The following JMY variants were observed in gnomAD, a reference collection of about 807,000 sequenced individuals.
JMY encodes junction mediating and regulatory protein, p53 cofactor.
A neutral mutation model predicts 103.3 loss-of-function variants in JMY; 46 were observed. That is an observed-to-expected ratio of 0.45 (90% CI 0.35 to 0.57). The LOEUF (loss-of-function observed/expected upper bound fraction) is 0.57. Among genes scored for constraint, JMY ranks in the 20% least tolerant of loss-of-function variants. JMY has a pLI of 0.00. For missense variants in JMY, 1,238 were observed against 1,255.2 expected, an observed-to-expected ratio of 0.99 and a Z score of 0.21; for synonymous variants, 526 against 489.3, an observed-to-expected ratio of 1.07 and a Z score of -0.99.
At chr5:79,263,366 T>C (rs1041607163) in intron 1 of JMY, among the ~76,000 whole-genome samples, 3 of 152,160 alleles carry the variant, frequency 2.0e-5, no homozygotes, top group Non-Finnish European at 4.4e-5. Flanking sequence ...TCCTTGAATA[T>C]GCACGGTCTT....
At chr5:79,295,234 T>C (rs1196351984) in intron 4 of JMY, among the ~76,000 whole-genome samples, 1 of 152,194 alleles carries the variant, frequency 6.6e-6, no homozygotes, top group African/African-American at 2.4e-5. Context: ...CATATGTGGC[T>C]AATGAGCTTT....
chr5:79,271,807 G>A (rs955207554), intron 1 of JMY, among the ~76,000 whole-genome samples: 5 of 152,036 alleles, frequency 3.3e-5, no homozygotes, highest in South Asian at 2.1e-4. Flanking sequence ...TGACTCTTTC[G>A]TGTTTATAAA....
At chr5:79,238,837 G>T (rs1744645292) in intron 1 of JMY, among the ~76,000 whole-genome samples, 1 of 151,892 alleles carries the variant, frequency 6.6e-6, no homozygotes, top group Non-Finnish European at 1.5e-5. Flanking sequence ...GCTACTTTTT[G>T]TGTTTTTAGT....
intron 1 of JMY, among the ~76,000 whole-genome samples, chr5:79,270,056 C>T (rs150898208): frequency 1.4e-3 from 206 of 151,930 alleles, no homozygotes; most frequent in African/African-American, 4.2e-3. Flanking sequence ...GGTGTGTGTA[C>T]GTGAGTTCAT....
intron 3 of JMY, 134 bp downstream of exon 3, chr5:79,290,405 A>C (rs1746385051): frequency 2.3e-6 from 1 of 442,990 alleles, no homozygotes; most frequent in Non-Finnish European, 3.7e-6. Context: ...AACCACTATT[A>C]GCAAATTAAG....
chr5:79,241,504 A>G (rs1441311684), intron 1 of JMY, among the ~76,000 whole-genome samples: 7 of 152,210 alleles, frequency 4.6e-5, no homozygotes, highest in African/African-American at 1.7e-4. Flanking sequence ...AAAATTTCTT[A>G]AAACATAAAT....
At chr5:79,282,290 TGGCTTAGG>T (rs2112089832) in intron 2 of JMY, among the ~76,000 whole-genome samples, 1 of 152,236 alleles carries the variant, frequency 6.6e-6, no homozygotes, top group South Asian at 2.1e-4. Flanking sequence ...TTGCCTTGGG[TGGCTTAGG>T]GGAAATTGAC....
intron 7 of JMY, among the ~76,000 whole-genome samples, chr5:79,309,605 G>A (rs1746985657): frequency 6.6e-6 from 1 of 152,068 alleles, no homozygotes; most frequent in Non-Finnish European, 1.5e-5. Context: ...CATACTAAAG[G>A]CCAAAGGGCT....
At chr5:79,258,018 C>T (rs1745299412) in intron 1 of JMY, among the ~76,000 whole-genome samples, 1 of 152,136 alleles carries the variant, frequency 6.6e-6, no homozygotes, top group East Asian at 1.9e-4. Context: ...CTGCCTCAGA[C>T]TCCCAAAGTG....
rs878948119 is a variant in JMY, at chr5:79,237,466, G to A, written c.816G>A (p.Gly272=). The A allele has an allele frequency of 1.2e-6, 2 of 1,613,456 alleles. No individual in the cohort carries two copies. The highest frequency in any genetic ancestry group is 1.3e-5 in the African/African-American group (1 of 74,910). Residue 272 remains glycine, a synonymous_variant, in exon 1 of 11, where the codon GGG becomes GGA. Transcript: ENST00000396137. ...CGGGCATGTGGACTGTGCTGTTTGG[G>A]GGCGCCCCCGAGATGACCGAGCAGG... ...EPSGMWTVLF[G]GAPEMTEQEI... is the part of the protein sequence containing the mutation.
At chr5:79,256,190 A>C (rs1004970733) in intron 1 of JMY, among the ~76,000 whole-genome samples, 1 of 152,108 alleles carries the variant, frequency 6.6e-6, no homozygotes, top group Non-Finnish European at 1.5e-5. Context: ...TGGCAGAGGA[A>C]CCTCATCCCA....
chr5:79,250,034 G>C (rs1001561782), intron 1 of JMY, among the ~76,000 whole-genome samples: 2 of 152,198 alleles, frequency 1.3e-5, no homozygotes, highest in Non-Finnish European at 2.9e-5. Flanking sequence ...AGTGCCTAGC[G>C]TGGTATCTAA....
chr5:79,313,593 G>A (rs1561315292), intron 8 of JMY, among the ~76,000 whole-genome samples: 1 of 152,094 alleles, frequency 6.6e-6, no homozygotes, highest in South Asian at 2.1e-4. Flanking sequence ...TAATTTTCTC[G>A]TGTGTGCATT....
chr5:79,250,459 C>T (rs1322347959), intron 1 of JMY, among the ~76,000 whole-genome samples: 1 of 151,986 alleles, frequency 6.6e-6, no homozygotes, highest in East Asian at 1.9e-4. Flanking sequence ...TTTACCTTTA[C>T]TTTGTTTGTA....
At chr5:79,282,970 T>A (rs1342604355) in intron 2 of JMY, among the ~76,000 whole-genome samples, 2 of 150,018 alleles carry the variant, frequency 1.3e-5, no homozygotes, top group East Asian at 3.9e-4. Context: ...AAACCGGTTA[T>A]TTCAACAGAG....
intron 2 of JMY, among the ~76,000 whole-genome samples, chr5:79,285,290 C>T (rs767222557): frequency 2.0e-5 from 3 of 152,064 alleles, no homozygotes; most frequent in East Asian, 1.9e-4. Context: ...GCCCCCCACC[C>T]GCCCACTGCC....
Position 79,322,110 on chromosome 5 carries a change from A to C in JMY, c.*508A>C, listed in dbSNP as rs1747472935. ...ATGATAGCTGTAAGTCAGGCATTAA[A>C]ATCAAATGGAAATACACCTAAAATG... On this transcript the variant is annotated 3_prime_UTR_variant, in exon 11 of 11. Transcript: ENST00000396137. The C allele has an allele frequency of 6.6e-6, 1 of 152,240 alleles. No homozygotes were observed. Among genetic ancestry groups the C allele is most frequent in the African/African-American group, 2.4e-5 (1 of 41,470 alleles). 9.4% of individuals were successfully genotyped at this position (152,240 alleles called of 1,614,324 possible). A position where few individuals can be genotyped will look rare whatever the true frequency, so the allele number is the denominator to read the frequency against.
chr5:79,318,720 G>A (rs1167779370), intron 10 of JMY, among the ~76,000 whole-genome samples: 1 of 148,286 alleles, frequency 6.7e-6, no homozygotes, highest in East Asian at 2.0e-4. Context: ...TTGTACATAT[G>A]TCCACTATGC....
At position 79,322,676 on chromosome 5, in the gene JMY, T is replaced by C. The variant is rs1019284383; in HGVS notation, c.*1074T>C. The C allele has an allele frequency of 1.3e-5, 2 of 152,236 alleles. No homozygotes were observed. Among genetic ancestry groups the C allele is most frequent in the Admixed American group, 1.3e-4 (2 of 15,278 alleles). The allele number at this position is 152,236 out of a possible 1,614,324, so 9.4% of individuals were successfully genotyped here. ...TATAGTCACTAAAATTTTAAACTTA[T>C]ACACAGCTTTAGGTGCTGATTTTGG... On this transcript the variant is annotated 3_prime_UTR_variant, in exon 11 of 11. Coordinates refer to ENST00000396137, the MANE Select transcript of JMY (RefSeq NM_152405.5).
Sources: gnomAD v4.1 joint callset for allele counts (sites outside exome capture counted in the v4.1 genomes callset) on GRCh38, gnomAD v4.1.1 for gene constraint, MANE v1.5 for transcripts, NCBI Gene and HGNC (gene_info 2026-07-23, HGNC 2026-07-21) for gene names.